APLP2: variants seen among roughly 807,000 people sequenced by gnomAD.
The protein encoded by APLP2 is CDEI box-binding protein.
Under a neutral mutation model 89.9 loss-of-function variants are expected in APLP2, and 53 were observed. The observed-to-expected ratio is 0.59, with a 90% confidence interval of 0.47 to 0.74. The LOEUF (loss-of-function observed/expected upper bound fraction) is 0.74, where lower values mean the gene tolerates loss of function less well. APLP2 is among the 30% of genes least tolerant of loss of function. The pLI is 0.00. For synonymous variants in APLP2, 372 were observed against 348.6 expected (o/e 1.07, Z -0.75); for missense variants, 973 against 975.9 (o/e 1.00, Z 0.04).
At chr11:130,114,100 A>G (rs1393488836) in intron 3 of APLP2, among the ~76,000 whole-genome samples, 1 of 152,234 alleles carries the variant, frequency 6.6e-6, no homozygotes, top group Non-Finnish European at 1.5e-5. Flanking sequence ...GATTTTGTAG[A>G]CAATATCTAG....
intron 1 of APLP2, among the ~76,000 whole-genome samples, chr11:130,092,029 C>G (rs1243252476): frequency 7.6e-6 from 1 of 132,164 alleles, no homozygotes; most frequent in African/African-American, 3.2e-5. Context: ...AGAGACGCTC[C>G]TCACCTCCCA....
chr11:130,092,475 C>T (rs1351306776), intron 1 of APLP2, among the ~76,000 whole-genome samples: 3,094 of 129,726 alleles, frequency 0.024, 30 homozygotes, highest in Non-Finnish European at 0.031. Context: ...ATCCCGGCAC[C>T]TCGGGAGGCC....
rs371634970 is a variant in APLP2 at position 130,123,653 on chromosome 11, G to A, written c.964G>A (p.Val322Met). ...QEAMTGPCRA[V>M]MPRWYFDLSK... ...GGCGATGACGGGGCCCTGCCGGGCC[G>A]TGATGCCTCGTTGGTACTTCGACCT... is the stretch of plus-strand genomic sequence containing the variant. The change falls in exon 7 of 17, where the codon GTG (valine) becomes ATG (methionine). Residue 322 changes from valine to methionine, a missense_variant. Transcript: ENST00000338167. The surrounding 1 kb of genome is among the most constrained non-coding windows in gnomAD (Gnocchi z 4.0). 12 of 1,614,112 alleles carry A rather than the reference G, an allele frequency of 7.4e-6. No homozygotes were observed. The highest frequency in any genetic ancestry group is 1.0e-5 in the Non-Finnish European group (12 of 1,180,032).
At chr11:130,111,559 A>T (rs1591810734) in intron 3 of APLP2, among the ~76,000 whole-genome samples, 1 of 152,188 alleles carries the variant, frequency 6.6e-6, no homozygotes, top group Non-Finnish European at 1.5e-5. Context: ...GGAATGTGAT[A>T]CTTTTTCTCA....
Position 130,122,528 on chromosome 11 carries a change from A to T in APLP2, c.922+15A>T, listed in dbSNP as rs776724528. ...TGATGTCAAAGGTAACCCCATGTAGAGCCATGGCTTTGAAATCCATGTGGT... is the reference window on the plus strand; with the variant it reads ...TGATGTCAAAGGTAACCCCATGTAGTGCCATGGCTTTGAAATCCATGTGGT... On this transcript the variant is annotated intron_variant, in intron 6 of 16. Transcript: ENST00000338167. The T allele has an allele frequency of 4.3e-6, 7 of 1,613,938 alleles. No individual in the cohort carries two copies. Among genetic ancestry groups the T allele is most frequent in the Admixed American group, 1.7e-5 (1 of 60,012 alleles).
rs111681937 is a variant in APLP2, at chr11:130,119,714, G to A, written c.404-992G>A. On this transcript the variant is annotated intron_variant, in intron 3 of 16. Coordinates refer to ENST00000338167, the MANE Select transcript of APLP2 (RefSeq NM_001142276.2). ...TTTTACCTGATGTTTTTCTCTCTCT[G>A]CATCTTATATGTATATTTTTGTGTT... is the stretch of plus-strand genomic sequence containing the variant. Among the ~76,000 whole-genome samples, 1,266 of 152,198 alleles carry A rather than the reference G, an allele frequency of 8.3e-3. 12 individuals carry two copies. Among genetic ancestry groups the A allele is most frequent in the African/African-American group, 0.03 (1,231 of 41,510 alleles).
chr11:130,083,022 T>C (rs994786163), intron 1 of APLP2, among the ~76,000 whole-genome samples: 2 of 133,348 alleles, frequency 1.5e-5, no homozygotes, highest in African/African-American at 6.8e-5. Flanking sequence ...GAAACTTTTC[T>C]TTTCTTTTTT....
At chr11:130,108,948 G>A (rs1207441324) in intron 1 of APLP2, 2 of 152,270 alleles carry the variant, frequency 1.3e-5, no homozygotes, top group Admixed American at 6.6e-5. Flanking sequence ...CTATCGCAAG[G>A]ACAGAAGACC....
rs1325688344 is a variant in APLP2, at chr11:130,126,781, A to G, written c.1172A>G (p.Gln391Arg). Residue 391 changes from glutamine to arginine, a missense_variant, in exon 8 of 17, where the codon CAG becomes CGG. Gln to Arg is a conservative substitution (Grantham distance 43). Transcript: ENST00000338167. ...SADDNEHARF[Q>R]KAKEQLEIRH... ...GATGATAATGAGCATGCTCGCTTCC[A>G]GAAGGCTAAGGAGCAGCTGGAGATT... 4.3e-6 allele frequency: 7 copies of G among 1,614,258 alleles called. No homozygotes were observed. Among genetic ancestry groups the G allele is most frequent in the Non-Finnish European group, 5.9e-6 (7 of 1,180,048 alleles).
In APLP2 at chr11:130,114,986, TG is replaced by T. The variant is rs138150549; in HGVS notation, c.403+4327del. On this transcript the variant is annotated intron_variant, in intron 3 of 16. Transcript: ENST00000338167. ...AGCCACTGACAGTTCACCCTGTTCC[TG>T]GTGTGGACCCCTGTGCAAGGTGAAT... 2.0e-3 allele frequency among the ~76,000 whole-genome samples: 302 copies of T among 152,276 alleles called. 1 individual carries two copies. Among genetic ancestry groups the T allele is most frequent in the African/African-American group, 4.8e-3 (199 of 41,566 alleles).
chr11:130,109,246 A>G (rs1591806953), intron 1 of APLP2, 183 bp from the exon 2 acceptor site: 3 of 449,696 alleles, frequency 6.7e-6, no homozygotes, highest in Non-Finnish European at 1.1e-5. Flanking sequence ...CACTTTGATC[A>G]TACACATCCA....
intron 1 of APLP2, among the ~76,000 whole-genome samples, chr11:130,089,680 T>C (rs1157199821): frequency 1.3e-5 from 2 of 152,252 alleles, no homozygotes; most frequent in Non-Finnish European, 2.9e-5. Flanking sequence ...TTCACTTTTC[T>C]GGTTTTCTGG....
At chr11:130,110,095 CAAAGTGCTGGGATT>C (rs958984777) in intron 2 of APLP2, among the ~76,000 whole-genome samples, 5 of 152,200 alleles carry the variant, frequency 3.3e-5, no homozygotes, top group Non-Finnish European at 7.4e-5. Flanking sequence ...CCCAGCCTCC[CAAAGTGCTGGGATT>C]ATAGGCATCA....
chr11:130,118,467 C>CTAG (rs1398988056), intron 3 of APLP2, among the ~76,000 whole-genome samples: 4 of 152,218 alleles, frequency 2.6e-5, no homozygotes, highest in South Asian at 2.1e-4. Context: ...GGTTACTCTG[C>CTAG]TAGTAAATGA....
intron 1 of APLP2, among the ~76,000 whole-genome samples, chr11:130,088,927 C>T (rs1455293487): frequency 6.6e-6 from 1 of 151,976 alleles, no homozygotes; most frequent in Non-Finnish European, 1.5e-5. Flanking sequence ...TTCCAGCTCA[C>T]GTTACCCTCT....
chr11:130,116,474 G>A (rs1000791052), intron 3 of APLP2, among the ~76,000 whole-genome samples: 1 of 152,020 alleles, frequency 6.6e-6, no homozygotes, highest in Non-Finnish European at 1.5e-5. Flanking sequence ...TTTCCTTAGG[G>A]TGTGTATCTT....
chr11:130,136,957 T>A (rs1163919220), intron 13 of APLP2, among the ~76,000 whole-genome samples: 2 of 152,154 alleles, frequency 1.3e-5, no homozygotes, highest in Admixed American at 6.5e-5. Context: ...CACTTTTTTC[T>A]AAGAAAAATA....
At chr11:130,091,364 G>A (rs1286222074) in intron 1 of APLP2, among the ~76,000 whole-genome samples, 21 of 147,934 alleles carry the variant, frequency 1.4e-4, no homozygotes, top group African/African-American at 4.9e-4. Flanking sequence ...GCCGGGCGGG[G>A]GGCCGACCCC....
chr11:130,095,603 C>CT (rs1174406841), intron 1 of APLP2, among the ~76,000 whole-genome samples: 2 of 152,248 alleles, frequency 1.3e-5, no homozygotes, highest in African/African-American at 4.8e-5. Flanking sequence ...TGGGTGGAAG[C>CT]TGTCCTTCTC....
Sources: gnomAD v4.1 joint callset for allele counts (sites outside exome capture counted in the v4.1 genomes callset) on GRCh38, gnomAD v4.1.1 for gene constraint, Gnocchi (gnomAD v3.1) non-coding constraint, MANE v1.5 for transcripts, NCBI Gene and HGNC (gene_info 2026-07-23, HGNC 2026-07-21) for gene names.